Variants in INTS7 observed in about 807,000 individuals in gnomAD.
INTS7 encodes integrator complex subunit 7.
In INTS7, 46 loss-of-function variants were observed where a neutral mutation model predicts 109.2. That is an observed-to-expected ratio of 0.42 (90% CI 0.33 to 0.54). The LOEUF (loss-of-function observed/expected upper bound fraction) is 0.54. INTS7 is among the 20% of genes least tolerant of loss of function. The pLI, the probability that INTS7 is intolerant of heterozygous loss-of-function variation, is 0.07. For synonymous variants in INTS7, 412 were observed against 402.9 expected, an observed-to-expected ratio of 1.02 and a Z score of -0.27; for missense variants, 929 against 1,132.4, an observed-to-expected ratio of 0.82 and a Z score of 2.58.
chr1:211,979,566 T>G (rs949019542), intron 10 of INTS7, among the ~76,000 whole-genome samples: 7 of 152,334 alleles, frequency 4.6e-5, no homozygotes, highest in South Asian at 2.1e-4. Context: ...AGGTTACCAT[T>G]ACTTTAAAAT....
chr1:211,968,820 C>A (rs1238764466), intron 13 of INTS7, 113 bp from the exon 14 acceptor site: 2 of 669,768 alleles, frequency 3.0e-6, no homozygotes, highest in Non-Finnish European at 4.9e-6. Context: ...TCTAAAAACA[C>A]TGACGGATAA....
intron 4 of INTS7, 31 bp downstream of exon 4, chr1:212,016,855 T>C: frequency 6.4e-7 from 1 of 1,562,790 alleles, no homozygotes; most frequent in East Asian, 2.4e-5. Flanking sequence ...GAAGCCAAAT[T>C]ACTAAAAGGG....
intron 16 of INTS7, among the ~76,000 whole-genome samples, chr1:211,965,843 T>G (rs1663851682): frequency 6.6e-6 from 1 of 152,154 alleles, no homozygotes; most frequent in Admixed American, 6.6e-5. Flanking sequence ...TATTGGGTAC[T>G]AAGCCTAAAA....
Position 211,952,614 on chromosome 1 carries a change from C to T in INTS7, c.2271G>A (p.Glu757=). Residue 757 remains glutamate, a synonymous_variant, in exon 17 of 20, where the codon GAG becomes GAA. Coordinates refer to ENST00000366994, the MANE Select transcript of INTS7 (RefSeq NM_015434.4). ...ATTTCCGATTGAGTGATTCTACCTCCTCCAAGACATGATTATATACAGACA... is the reference window on the plus strand; with the variant it reads ...ATTTCCGATTGAGTGATTCTACCTCTTCCAAGACATGATTATATACAGACA... ...RMMSVYNHVL[E]EVESLNRKYT... is the part of the protein sequence containing the mutation. 1 of 1,613,148 alleles carries T rather than the reference C, an allele frequency of 6.2e-7. No individual in the cohort carries two copies. The highest frequency in any genetic ancestry group is 8.5e-7 in the Non-Finnish European group (1 of 1,179,368).
intron 1 of INTS7, among the ~76,000 whole-genome samples, chr1:212,028,132 C>G (rs12408384): frequency 6.6e-6 from 1 of 152,196 alleles, no homozygotes; most frequent in African/African-American, 2.4e-5. Context: ...CAGCCAGCAC[C>G]TAGATTCTCA....
Position 211,959,108 on chromosome 1 carries a change from T to C in INTS7, c.2184-6407A>G, listed in dbSNP as rs1159371463. Among the ~76,000 whole-genome samples the C allele has an allele frequency of 6.6e-6, 1 of 152,092 alleles. No homozygotes were observed. Among genetic ancestry groups the C allele is most frequent in the Non-Finnish European group, 1.5e-5 (1 of 67,996 alleles). On this transcript the variant is annotated intron_variant, in intron 16 of 19. Coordinates refer to ENST00000366994, the MANE Select transcript of INTS7 (RefSeq NM_015434.4). The surrounding 1 kb of genome is among the most constrained non-coding windows in gnomAD (Gnocchi z 4.2). The stretch of plus-strand genomic sequence containing the variant: ...TCCTCGACCACTATGGACACTTGAG[T>C]TGGCACAGAGGGCTGCTTAGAGAAG...
chr1:212,032,450 C>T (rs1000908694), intron 1 of INTS7, among the ~76,000 whole-genome samples: 1 of 151,922 alleles, frequency 6.6e-6, no homozygotes, highest in East Asian at 1.9e-4. Context: ...ATGGCTTGCA[C>T]GGCCCTACCT....
At chr1:211,967,552 GA>G (rs1663950883) in intron 15 of INTS7, among the ~76,000 whole-genome samples, 1 of 151,840 alleles carries the variant, frequency 6.6e-6, no homozygotes. Flanking sequence ...AAGGTGAGGT[GA>G]AATACATGTT....
intron 1 of INTS7, among the ~76,000 whole-genome samples, chr1:212,034,091 A>G (rs895349198): frequency 6.6e-5 from 10 of 152,164 alleles, no homozygotes; most frequent in African/African-American, 2.4e-4. Flanking sequence ...TCCAAAAAAA[A>G]AGAGAAAAAC....
At chr1:212,026,166 G>A (rs977147298) in intron 1 of INTS7, among the ~76,000 whole-genome samples, 1 of 151,912 alleles carries the variant, frequency 6.6e-6, no homozygotes, top group Non-Finnish European at 1.5e-5. Flanking sequence ...AAAAGACAAA[G>A]GAAATCTGAA....
intron 1 of INTS7, among the ~76,000 whole-genome samples, chr1:212,032,086 C>A (rs989910027): frequency 2.6e-5 from 4 of 152,206 alleles, no homozygotes; most frequent in African/African-American, 9.7e-5. Flanking sequence ...TACATCCTCC[C>A]AGTAGCTCAT....
intron 13 of INTS7, among the ~76,000 whole-genome samples, chr1:211,974,276 A>ATATATAT (rs1553249482): frequency 7.6e-4 from 70 of 92,372 alleles, no homozygotes; most frequent in African/African-American, 2.2e-3. Context: ...AGAAAAAAAA[A>ATATATAT]ATATATATAT....
chr1:211,984,482 C>T (rs548941351), intron 8 of INTS7, among the ~76,000 whole-genome samples: 1 of 152,122 alleles, frequency 6.6e-6, no homozygotes, highest in African/African-American at 2.4e-5. Flanking sequence ...TACAACAGTA[C>T]AATTTAAAAA....
At chr1:211,966,692 C>G (rs902439459) in intron 15 of INTS7, among the ~76,000 whole-genome samples, 194 bp from the exon 16 acceptor site, 2 of 152,112 alleles carry the variant, frequency 1.3e-5, no homozygotes, top group African/African-American at 4.8e-5. Flanking sequence ...GATCCTCAGA[C>G]TCTGTTCCAA....
intron 19 of INTS7, 28 bp downstream of exon 19, chr1:211,944,756 T>C: frequency 6.3e-7 from 1 of 1,582,924 alleles, no homozygotes; most frequent in Non-Finnish European, 8.7e-7. Context: ...AAAACCTGTA[T>C]CACAATTCTG....
chr1:211,949,552 C>T (rs1393647418), intron 17 of INTS7, among the ~76,000 whole-genome samples: 1 of 152,152 alleles, frequency 6.6e-6, no homozygotes, highest in Non-Finnish European at 1.5e-5. Context: ...TTTTCTCATT[C>T]CTACTGCCAT....
At chr1:212,002,311 G>C (rs914282709) in intron 7 of INTS7, among the ~76,000 whole-genome samples, 1 of 152,206 alleles carries the variant, frequency 6.6e-6, no homozygotes, top group East Asian at 1.9e-4. Context: ...ATGTTCTCCC[G>C]GCTTCTGCCT....
At chr1:211,989,753 C>A (rs993608237) in intron 7 of INTS7, among the ~76,000 whole-genome samples, 1 of 148,500 alleles carries the variant, frequency 6.7e-6, no homozygotes, top group African/African-American at 2.5e-5. Context: ...ACCCAGGAGA[C>A]AGAGGTTGCA....
At chr1:212,022,547 C>T (rs1474493833) in intron 1 of INTS7, among the ~76,000 whole-genome samples, 2 of 152,180 alleles carry the variant, frequency 1.3e-5, no homozygotes, top group African/African-American at 4.8e-5. Context: ...AGATGCTCAA[C>T]AGTGTCATCA....
Sources: allele counts gnomAD v4.1 joint callset (sites outside exome capture counted in the v4.1 genomes callset), GRCh38; gene constraint gnomAD v4.1.1; non-coding constraint Gnocchi (gnomAD v3.1); transcripts MANE v1.5; gene names NCBI Gene and HGNC (gene_info 2026-07-23, HGNC 2026-07-21).